ATP8B2: variants seen among roughly 807,000 people sequenced by gnomAD.
The protein encoded by ATP8B2 is ATPase phospholipid transporting 8B2, also known as phospholipid-transporting ATPase ID.
A neutral mutation model predicts 133.4 loss-of-function variants in ATP8B2; 70 were observed. That is an observed-to-expected ratio of 0.52 (90% CI 0.43 to 0.64). ATP8B2 has a LOEUF of 0.64. Ranked by LOEUF, ATP8B2 falls within the 30% of genes least tolerant of loss-of-function variation. The pLI, the probability that ATP8B2 is intolerant of heterozygous loss-of-function variation, is 0.00. For synonymous variants in ATP8B2, 517 were observed against 589.5 expected, an observed-to-expected ratio of 0.88 and a Z score of 1.78; for missense variants, 1,101 against 1,535.7, an observed-to-expected ratio of 0.72 and a Z score of 4.73.
chr1:154,340,278 C>G lies in ATP8B2; in HGVS notation c.1035-576C>G, dbSNP rs1358064626. On this transcript the variant is annotated intron_variant, in intron 12 of 27. Transcript: ENST00000368489. This position sits in a 1 kb window ranked among gnomAD's most constrained non-coding sequence, Gnocchi z 4.0. ...GGCCCTCTCCCTCTGGAGTCAGCAC[C>G]TCAGCCCTGCCCGGTGTTCAGAATC... is the stretch of plus-strand genomic sequence containing the variant. Among the ~76,000 whole-genome samples, 1 of 152,156 alleles carries G rather than the reference C, an allele frequency of 6.6e-6. No homozygotes were observed. The highest frequency in any genetic ancestry group is 1.5e-5 in the Non-Finnish European group (1 of 68,010).
chr1:154,328,223 G>T lies in ATP8B2; in HGVS notation c.31+51G>T. The T allele has an allele frequency of 6.4e-7, 1 of 1,563,658 alleles. No homozygotes were observed. Among genetic ancestry groups the T allele is most frequent in the Non-Finnish European group, 8.8e-7 (1 of 1,134,960 alleles). The stretch of plus-strand genomic sequence containing the variant: ...CCGGGAACCATCAAGAGTGGGTGTT[G>T]TTATGGCTCAGGGAGCAAAAGGAAA... On this transcript the variant is annotated intron_variant, in intron 2 of 27. Coordinates refer to ENST00000368489, the MANE Select transcript of ATP8B2 (RefSeq NM_001370597.1). This position sits in a 1 kb window ranked among gnomAD's most constrained non-coding sequence, Gnocchi z 4.6.
In ATP8B2 at chr1:154,346,595, G is replaced by T. The variant is rs1686593032; in HGVS notation, c.3025-25G>T. On this transcript the variant is annotated intron_variant, in intron 25 of 27. Coordinates refer to ENST00000368489, the MANE Select transcript of ATP8B2 (RefSeq NM_001370597.1). The surrounding 1 kb of genome is among the most constrained non-coding windows in gnomAD (Gnocchi z 4.5). ...GAAGGGGCTTTTAGGGCGTGCGCCT[G>T]CCTGACTATGCCTACTTTCTGCAGA... 2 of 1,613,954 alleles carry T rather than the reference G, an allele frequency of 1.2e-6. No individual in the cohort carries two copies. The highest frequency in any genetic ancestry group is 1.3e-5 in the African/African-American group (1 of 74,932).
chr1:154,345,414 C>T lies in ATP8B2; in HGVS notation c.2563C>T (p.Arg855Cys), dbSNP rs1686549903. The change falls in exon 23 of 28, where the codon CGC becomes TGC. Residue 855 changes from arginine to cysteine, a missense_variant. By Grantham distance (180) the Arg-to-Cys change is radical. Coordinates refer to ENST00000368489, the MANE Select transcript of ATP8B2 (RefSeq NM_001370597.1). The surrounding 1 kb of genome is among the most constrained non-coding windows in gnomAD (Gnocchi z 5.6). The part of the protein sequence containing the change: ...YSFSQFKFLQ[R>C]LLLVHGRWSY... ...CTTCTCCCAGTTCAAGTTCCTGCAG[C>T]GCCTCCTGCTGGTGCATGGGCGCTG... The T allele has an allele frequency of 1.2e-6, 2 of 1,614,174 alleles. No homozygotes were observed. The highest frequency in any genetic ancestry group is 1.7e-6 in the Non-Finnish European group (2 of 1,180,014).
chr1:154,330,763 G>C, intron 3 of ATP8B2, 52 bp from the exon 4 acceptor site: 10 of 1,489,224 alleles, frequency 6.7e-6, no homozygotes, highest in Non-Finnish European at 9.4e-6. Flanking sequence ...CCTCAGTCTG[G>C]TTCTGGGTTG....
intron 12 of ATP8B2, chr1:154,337,837 G>A: frequency 8.9e-7 from 1 of 1,123,930 alleles, no homozygotes; most frequent in Non-Finnish European, 1.2e-6. Flanking sequence ...AATAAAAGAT[G>A]AATTAGGAAT....
At chr1:154,338,799 C>G (rs1202075327) in intron 12 of ATP8B2, 1 of 151,952 alleles carries the variant, frequency 6.6e-6, no homozygotes, top group Non-Finnish European at 1.5e-5. Context: ...TCACTGGAAC[C>G]CCTCCCCCAC....
Position 154,344,321 on chromosome 1 carries a change from C to CGA in ATP8B2, c.2035+69_2035+70dup, listed in dbSNP as rs1305475058. The CGA allele has an allele frequency of 6.2e-7, 1 of 1,613,942 alleles. No homozygotes were observed. The highest frequency in any genetic ancestry group is 1.3e-5 in the African/African-American group (1 of 74,902). ...GCCCTGTTGGACCCTTGCATGGAGC[C>CGA]GAGGACATCAGGCAGGCAAGTGTGC... On this transcript the variant is annotated intron_variant, in intron 19 of 27. Transcript: ENST00000368489. This position sits in a 1 kb window ranked among gnomAD's most constrained non-coding sequence, Gnocchi z 4.1.
intron 14 of ATP8B2, 66 bp downstream of exon 14, chr1:154,342,589 T>A: frequency 1.4e-5 from 21 of 1,531,006 alleles, no homozygotes; most frequent in Non-Finnish European, 1.8e-5. Flanking sequence ...AACAGTGTAG[T>A]CAGGAGTGAT....
intron 2 of ATP8B2, chr1:154,329,125 C>CA: frequency 8.2e-7 from 1 of 1,213,056 alleles, no homozygotes; most frequent in Non-Finnish European, 1.1e-6. Flanking sequence ...TATTTCCCCC[C>CA]TCCAATCCCT....
intron 9 of ATP8B2, among the ~76,000 whole-genome samples, chr1:154,333,360 C>T (rs967184745): frequency 2.0e-5 from 3 of 151,156 alleles, no homozygotes; most frequent in East Asian, 2.0e-4. Context: ...AAAAATTAGC[C>T]GGGCGTCGTG....
Position 154,331,166 on chromosome 1 carries a change from C to G in ATP8B2, c.303+20C>G, listed in dbSNP as rs774710578. The G allele has an allele frequency of 1.2e-6, 2 of 1,604,580 alleles. No individual in the cohort carries two copies. Among genetic ancestry groups the G allele is most frequent in the Non-Finnish European group, 1.7e-6 (2 of 1,171,834 alleles). ...GACTATGTGAGTGGTTTTCATTCTT[C>G]TATTTTGTCCCAGTCACCCACCCCT... On this transcript the variant is annotated intron_variant, in intron 5 of 27. Transcript: ENST00000368489. The surrounding 1 kb of genome is among the most constrained non-coding windows in gnomAD (Gnocchi z 4.8).
In ATP8B2 at chr1:154,337,674, A is replaced by T. The variant is rs569544336; in HGVS notation, c.1034+130A>T. The T allele has an allele frequency of 2.2e-5, 35 of 1,596,748 alleles. No homozygotes were observed. In the South Asian group the frequency reaches 3.8e-4, roughly 17 times the overall value. On this transcript the variant is annotated intron_variant, in intron 12 of 27. Coordinates refer to ENST00000368489, the MANE Select transcript of ATP8B2 (RefSeq NM_001370597.1). ...CTTCTTCCTGTACTGTAAACATTTG[A>T]TGTTATCTGTTTATCTTTGTGGGCA... is the stretch of plus-strand genomic sequence containing the variant.
rs766996378 is a variant in ATP8B2, at chr1:154,349,720, G to T, written c.*602G>T. The stretch of plus-strand genomic sequence containing the variant: ...TGGGAAAAGGAGGCTGGCACACACT[G>T]GGATGCCGCAGCCTGGCCGGCTGTG... On this transcript the variant is annotated 3_prime_UTR_variant, in exon 28 of 28. Transcript: ENST00000368489. 3 of 154,154 alleles carry T rather than the reference G, an allele frequency of 1.9e-5. No individual in the cohort carries two copies. The highest frequency in any genetic ancestry group is 2.9e-5 in the Non-Finnish European group (2 of 69,120). 9.5% of individuals were successfully genotyped at this position (154,154 alleles called of 1,614,324 possible).
rs868722615 is a variant in ATP8B2, at chr1:154,329,001, A to G, written c.31+829A>G. 12 of 1,304,046 alleles carry G rather than the reference A, an allele frequency of 9.2e-6. No homozygotes were observed. In the Middle Eastern group the frequency reaches 2.1e-3, roughly 232 times the overall value. 80.8% of individuals were successfully genotyped at this position (1,304,046 alleles called of 1,614,324 possible). The stretch of plus-strand genomic sequence containing the variant: ...CAAACCGGGATCATGACGGTCCCCA[A>G]GGAGATGCCCGAGAAGTGGGCCCGG... On this transcript the variant is annotated intron_variant, in intron 2 of 27. Coordinates refer to ENST00000368489, the MANE Select transcript of ATP8B2 (RefSeq NM_001370597.1).
chr1:154,327,651 G>A (rs753523252), intron 1 of ATP8B2: 9 of 760,852 alleles, frequency 1.2e-5, no homozygotes, highest in Non-Finnish European at 1.8e-5. Context: ...CGAGAAGGGT[G>A]GAGCCTGCCC....
intron 14 of ATP8B2, 54 bp from the exon 15 acceptor site, chr1:154,342,742 C>T (rs983879242): frequency 8.8e-6 from 14 of 1,584,754 alleles, no homozygotes; most frequent in South Asian, 1.1e-5. Flanking sequence ...AACCCTTCCC[C>T]GGGATGCAGC....
At position 154,334,351 on chromosome 1, in the gene ATP8B2, C is replaced by T; in HGVS notation, c.748+86C>T. ...GAGTATGGGATGAGGTGGGAGAATA[C>T]CTAAGGTAAAAAACCTCCAGCTGTG... On this transcript the variant is annotated intron_variant, in intron 10 of 27. Transcript: ENST00000368489. The surrounding 1 kb of genome is among the most constrained non-coding windows in gnomAD (Gnocchi z 4.6). 1.3e-6 allele frequency: 2 copies of T among 1,565,382 alleles called. No individual in the cohort carries two copies. The highest frequency in any genetic ancestry group is 8.7e-7 in the Non-Finnish European group (1 of 1,147,210).
At chr1:154,326,328 G>A (rs1685789005) in intron 1 of ATP8B2, among the ~76,000 whole-genome samples, 1 of 152,090 alleles carries the variant, frequency 6.6e-6, no homozygotes, top group African/African-American at 2.4e-5. Flanking sequence ...GAAGTGGCCA[G>A]CCTTTGGGGC....
intron 1 of ATP8B2, among the ~76,000 whole-genome samples, 186 bp downstream of exon 1, chr1:154,325,888 G>A (rs1685772075): frequency 6.6e-6 from 1 of 152,178 alleles, no homozygotes; most frequent in Non-Finnish European, 1.5e-5. Flanking sequence ...GAGACGAGGG[G>A]CTGTCGGGTT....
Sources: allele counts gnomAD v4.1 joint callset (sites outside exome capture counted in the v4.1 genomes callset), GRCh38; gene constraint gnomAD v4.1.1; non-coding constraint Gnocchi (gnomAD v3.1); transcripts MANE v1.5; gene names NCBI Gene and HGNC (gene_info 2026-07-23, HGNC 2026-07-21).